TMEM132D: variants seen among roughly 807,000 people sequenced by gnomAD.
The protein encoded by TMEM132D is mature OL transmembrane protein.
TMEM132D carries 21 observed loss-of-function variants against 62.3 expected under a neutral mutation model. The observed-to-expected ratio is 0.34, with a 90% CI of 0.24 to 0.49. The LOEUF is 0.49. Among genes scored for constraint, TMEM132D ranks in the 20% least tolerant of loss-of-function variants. The pLI is 0.99. For synonymous variants in TMEM132D, 621 were observed against 575.6 expected (o/e 1.08, Z -1.13); for missense variants, 1,346 against 1,402.8 (o/e 0.96, Z 0.65).
At chr12:129,271,041 C>T (rs1880839589) in intron 4 of TMEM132D, among the ~76,000 whole-genome samples, 1 of 152,084 alleles carries the variant, frequency 6.6e-6, no homozygotes, top group South Asian at 2.1e-4. Flanking sequence ...AACATAATAA[C>T]GTTTGTGTTT....
At chr12:129,192,610 T>C (rs1293875487) in intron 5 of TMEM132D, among the ~76,000 whole-genome samples, 3 of 152,244 alleles carry the variant, frequency 2.0e-5, no homozygotes, top group East Asian at 1.9e-4. Flanking sequence ...TCACATATTT[T>C]TGCCATTGGT....
At chr12:129,712,583 G>A (rs1346805366) in intron 1 of TMEM132D, among the ~76,000 whole-genome samples, 2 of 152,184 alleles carry the variant, frequency 1.3e-5, no homozygotes, top group Non-Finnish European at 2.9e-5. Context: ...ACGGGGCCAC[G>A]CACCACCAGT....
At chr12:129,663,349 G>C (rs1306934004) in intron 2 of TMEM132D, among the ~76,000 whole-genome samples, 1 of 152,180 alleles carries the variant, frequency 6.6e-6, no homozygotes, top group Non-Finnish European at 1.5e-5. Context: ...TGTTGGTCAG[G>C]CTGGTCTTGA....
At chr12:129,765,568 CAAAAAA>C (rs55638594) in intron 1 of TMEM132D, among the ~76,000 whole-genome samples, 1 of 145,244 alleles carries the variant, frequency 6.9e-6, no homozygotes, top group African/African-American at 2.6e-5. Flanking sequence ...TTGCATCTCC[CAAAAAA>C]AAAAAAAAGA....
chr12:129,130,842 C>T (rs75613251), intron 5 of TMEM132D, among the ~76,000 whole-genome samples: 3 of 152,186 alleles, frequency 2.0e-5, no homozygotes, highest in East Asian at 1.9e-4. Flanking sequence ...ATGCATGCTT[C>T]GATGCTGACC....
chr12:129,539,181 C>T (rs1447260417), intron 2 of TMEM132D, among the ~76,000 whole-genome samples: 1 of 151,792 alleles, frequency 6.6e-6, no homozygotes. Flanking sequence ...AAGATTTCAT[C>T]ACACTACTCA....
At chr12:129,294,355 T>C (rs758810178) in intron 4 of TMEM132D, among the ~76,000 whole-genome samples, 2 of 152,162 alleles carry the variant, frequency 1.3e-5, no homozygotes, top group East Asian at 1.9e-4. Flanking sequence ...AAATCATCAA[T>C]TGCCTTCCCT....
intron 1 of TMEM132D, among the ~76,000 whole-genome samples, chr12:129,799,999 C>T (rs568232397): frequency 4.6e-5 from 7 of 152,266 alleles, no homozygotes; most frequent in African/African-American, 7.2e-5. Context: ...GCCTCAGGCA[C>T]GTGCGTACAG....
intron 5 of TMEM132D, among the ~76,000 whole-genome samples, chr12:129,130,957 G>A (rs1876357910): frequency 6.6e-6 from 1 of 152,146 alleles, no homozygotes; most frequent in African/African-American, 2.4e-5. Context: ...CATTCCCAGA[G>A]GTTCTGATTC....
intron 4 of TMEM132D, among the ~76,000 whole-genome samples, chr12:129,305,089 A>G (rs1881817504): frequency 6.6e-6 from 1 of 152,238 alleles, no homozygotes. Context: ...ATGCCAGTAC[A>G]TCCCAAGAAA....
chr12:129,325,232 T>G (rs12426477), intron 4 of TMEM132D, among the ~76,000 whole-genome samples: 70,604 of 152,076 alleles, frequency 0.46, 16,921 homozygotes, highest in East Asian at 0.65. Context: ...ACTACCCCTA[T>G]TCCCTTGGGG....
At chr12:129,672,235 C>A (rs264497) in intron 2 of TMEM132D, among the ~76,000 whole-genome samples, 114,556 of 152,132 alleles carry the variant, frequency 0.75, 43,561 homozygotes, top group East Asian at 0.83. Flanking sequence ...CACGTGACCA[C>A]GTTCCAGCCA....
intron 1 of TMEM132D, among the ~76,000 whole-genome samples, chr12:129,726,792 C>T (rs953269753): frequency 1.3e-5 from 2 of 152,118 alleles, no homozygotes; most frequent in Admixed American, 6.5e-5. Context: ...GTAGCAAGTT[C>T]ACAGAAGCAG....
At chr12:129,427,521 C>T (rs1234705732) in intron 3 of TMEM132D, among the ~76,000 whole-genome samples, 3 of 151,028 alleles carry the variant, frequency 2.0e-5, no homozygotes, top group Non-Finnish European at 3.0e-5. Flanking sequence ...CTAACCTGCA[C>T]GTTGTGCACA....
intron 3 of TMEM132D, among the ~76,000 whole-genome samples, chr12:129,513,549 A>G (rs1305082367): frequency 1.3e-5 from 2 of 151,992 alleles, no homozygotes; most frequent in African/African-American, 2.4e-5. Flanking sequence ...CAGTGGCGCG[A>G]TCTCGGCTCA....
chr12:129,134,902 C>A (rs1876512319), intron 5 of TMEM132D, among the ~76,000 whole-genome samples: 1 of 152,218 alleles, frequency 6.6e-6, no homozygotes, highest in Non-Finnish European at 1.5e-5. Flanking sequence ...TAGGCAAGGC[C>A]AATCATCATG....
At chr12:129,186,119 C>T (rs555515505) in intron 5 of TMEM132D, among the ~76,000 whole-genome samples, 17 of 152,132 alleles carry the variant, frequency 1.1e-4, no homozygotes, top group Non-Finnish European at 2.2e-4. Flanking sequence ...TCTGACTGTT[C>T]CGCTGCGGGG....
intron 4 of TMEM132D, among the ~76,000 whole-genome samples, chr12:129,269,435 C>T (rs577853632): frequency 6.6e-6 from 1 of 152,132 alleles, no homozygotes; most frequent in Admixed American, 6.5e-5. Flanking sequence ...TCCATCTCCC[C>T]TGTTAGATTC....
intron 1 of TMEM132D, among the ~76,000 whole-genome samples, chr12:129,863,958 A>G (rs1399684634): frequency 6.6e-6 from 1 of 152,296 alleles, no homozygotes; most frequent in East Asian, 1.9e-4. Context: ...AAAACTTTTT[A>G]TCACTCATCC....
Sources: allele counts gnomAD v4.1 joint callset (sites outside exome capture counted in the v4.1 genomes callset), GRCh38; gene constraint gnomAD v4.1.1; transcripts MANE v1.5; gene names NCBI Gene and HGNC (gene_info 2026-07-23, HGNC 2026-07-21).